The following MIPOL1 variants were observed in gnomAD, a reference collection of about 807,000 sequenced individuals.
MIPOL1 encodes mirror-image polydactyly gene 1 protein.
A neutral mutation model predicts 60.9 loss-of-function variants in MIPOL1; 57 were observed. That is an observed-to-expected ratio of 0.94 (90% CI 0.76 to 1.17). MIPOL1 has a LOEUF of 1.17. Among genes scored for constraint, MIPOL1 ranks in the 50% most tolerant of loss-of-function variants. The pLI, the probability that MIPOL1 is intolerant of heterozygous loss-of-function variation, is 0.00. For synonymous variants in MIPOL1, 179 were observed against 168.8 expected, an observed-to-expected ratio of 1.06 and a Z score of -0.47; for missense variants, 551 against 511.6, an observed-to-expected ratio of 1.08 and a Z score of -0.74.
At chr14:37,299,796 C>G (rs1200452831) in intron 7 of MIPOL1, among the ~76,000 whole-genome samples, 1 of 151,994 alleles carries the variant, frequency 6.6e-6, no homozygotes, top group Non-Finnish European at 1.5e-5. Context: ...TTGGATTTCA[C>G]TAATTTTTCT....
intron 11 of MIPOL1, among the ~76,000 whole-genome samples, chr14:37,483,815 T>A (rs115061310): frequency 6.6e-6 from 1 of 152,038 alleles, no homozygotes; most frequent in Non-Finnish European, 1.5e-5. Context: ...TTTAAAAATT[T>A]TGTAGAGGCA....
chr14:37,293,977 G>A (rs1390484765), intron 7 of MIPOL1, among the ~76,000 whole-genome samples: 6 of 152,198 alleles, frequency 3.9e-5, no homozygotes, highest in African/African-American at 7.2e-5. Flanking sequence ...CTTCCAGCAC[G>A]CAGCTTGAGA....
intron 10 of MIPOL1, among the ~76,000 whole-genome samples, chr14:37,370,955 T>C (rs1399239235): frequency 1.3e-5 from 2 of 152,188 alleles, no homozygotes; most frequent in African/African-American, 2.4e-5. Context: ...GGGCTTAATA[T>C]GATATGGCAG....
chr14:37,202,441 C>T (rs975243162), intron 1 of MIPOL1, among the ~76,000 whole-genome samples: 5 of 152,024 alleles, frequency 3.3e-5, no homozygotes, highest in African/African-American at 1.2e-4. Flanking sequence ...AAATACCTTC[C>T]TGCTTTATAA....
chr14:37,489,916 G>A (rs1270653390), intron 11 of MIPOL1, among the ~76,000 whole-genome samples: 2 of 152,178 alleles, frequency 1.3e-5, no homozygotes, highest in South Asian at 4.1e-4. Context: ...TCCAAGTCAG[G>A]ATACACAGGG....
At chr14:37,354,269 A>G (rs1273275818) in intron 9 of MIPOL1, among the ~76,000 whole-genome samples, 1 of 149,450 alleles carries the variant, frequency 6.7e-6, no homozygotes, top group Non-Finnish European at 1.5e-5. Flanking sequence ...GTGGTCTGAG[A>G]GATAGTTTGT....
At chr14:37,265,344 T>TA (rs1280966591) in intron 3 of MIPOL1, 1 of 152,150 alleles carries the variant, frequency 6.6e-6, no homozygotes, top group Non-Finnish European at 1.5e-5. Context: ...GCATAGTCCT[T>TA]ATTATACTGT....
chr14:37,456,591 A>G (rs1213195695), intron 11 of MIPOL1, among the ~76,000 whole-genome samples: 1 of 152,176 alleles, frequency 6.6e-6, no homozygotes, highest in Admixed American at 6.5e-5. Context: ...TATAAGGGCA[A>G]TAAACATTAC....
chr14:37,220,801 A>C (rs1035917394), intron 1 of MIPOL1, among the ~76,000 whole-genome samples: 2 of 152,092 alleles, frequency 1.3e-5, no homozygotes. Context: ...ATTAATAGAG[A>C]GTCTCCCTCT....
At chr14:37,396,173 TG>T (rs746335166) in intron 10 of MIPOL1, among the ~76,000 whole-genome samples, 18 of 152,312 alleles carry the variant, frequency 1.2e-4, no homozygotes, top group East Asian at 1.9e-4. Context: ...GTTCTTGTAG[TG>T]GTGAATTCTC....
intron 12 of MIPOL1, among the ~76,000 whole-genome samples, chr14:37,510,428 G>A (rs942043805): frequency 6.6e-6 from 1 of 152,018 alleles, no homozygotes; most frequent in Non-Finnish European, 1.5e-5. Context: ...GTAGAGATGA[G>A]GTTTTATCAT....
chr14:37,477,299 T>G (rs2094791784), intron 11 of MIPOL1, among the ~76,000 whole-genome samples: 1 of 152,032 alleles, frequency 6.6e-6, no homozygotes. Flanking sequence ...CGTAGAGAAT[T>G]GACATCATTT....
intron 9 of MIPOL1, among the ~76,000 whole-genome samples, chr14:37,319,959 G>A (rs2088381036): frequency 6.6e-6 from 1 of 152,058 alleles, no homozygotes. Context: ...ATGTTGATCT[G>A]TATTGTTAAT....
intron 11 of MIPOL1, among the ~76,000 whole-genome samples, chr14:37,475,708 T>C (rs75851547): frequency 0.021 from 3,222 of 152,352 alleles, 101 homozygotes; most frequent in African/African-American, 0.072. Context: ...TGGTTGCTTA[T>C]GCTACTTTGT....
At chr14:37,462,734 C>A (rs371225879) in intron 11 of MIPOL1, among the ~76,000 whole-genome samples, 3 of 152,158 alleles carry the variant, frequency 2.0e-5, no homozygotes, top group South Asian at 2.1e-4. Context: ...TGCTGCCAGT[C>A]GCTTTATTAA....
intron 1 of MIPOL1, among the ~76,000 whole-genome samples, chr14:37,234,146 T>C (rs1971059936): frequency 6.6e-6 from 1 of 152,198 alleles, no homozygotes; most frequent in Non-Finnish European, 1.5e-5. Flanking sequence ...GAAAGTTTGC[T>C]CAGGTTTATT....
intron 1 of MIPOL1, among the ~76,000 whole-genome samples, chr14:37,226,503 C>G (rs1189469263): frequency 6.6e-6 from 1 of 152,210 alleles, no homozygotes; most frequent in Non-Finnish European, 1.5e-5. Context: ...CATCAGATCT[C>G]ATGAGACTTA....
chr14:37,519,213 G>A (rs1299671845), intron 12 of MIPOL1, among the ~76,000 whole-genome samples: 1 of 152,136 alleles, frequency 6.6e-6, no homozygotes, highest in Admixed American at 6.5e-5. Flanking sequence ...TAACCAAGGG[G>A]TTTAGAGCTT....
chr14:37,279,611 GTTT>G, intron 6 of MIPOL1, among the ~76,000 whole-genome samples: 2 of 151,876 alleles, frequency 1.3e-5, no homozygotes, highest in Admixed American at 1.3e-4. Flanking sequence ...GGTTTTGAGG[GTTT>G]TTTTGTTTTA....
Sources: gnomAD v4.1 joint callset for allele counts (sites outside exome capture counted in the v4.1 genomes callset) on GRCh38, gnomAD v4.1.1 for gene constraint, MANE v1.5 for transcripts, NCBI Gene and HGNC (gene_info 2026-07-23, HGNC 2026-07-21) for gene names.